Variants in AGBL4 observed in about 807,000 individuals in gnomAD.
AGBL4 encodes the protein AGBL carboxypeptidase 4.
A neutral mutation model predicts 66.4 loss-of-function variants in AGBL4; 58 were observed. That is an observed-to-expected ratio of 0.87 (90% CI 0.71 to 1.09). The LOEUF is 1.09. Among genes scored for constraint, AGBL4 ranks in the 50% least tolerant of loss-of-function variants. The pLI, the probability that AGBL4 is intolerant of heterozygous loss-of-function variation, is 0.00. For missense variants in AGBL4, 579 were observed against 631.0 expected (o/e 0.92, Z 0.88); for synonymous variants, 234 against 222.9 (o/e 1.05, Z -0.44).
At chr1:49,939,156 G>A (rs1330972293) in intron 1 of AGBL4, among the ~76,000 whole-genome samples, 2 of 151,982 alleles carry the variant, frequency 1.3e-5, no homozygotes, top group African/African-American at 4.8e-5. Context: ...GGACGTGAAG[G>A]ACCTCTTCAA....
intron 8 of AGBL4, among the ~76,000 whole-genome samples, chr1:48,637,120 G>T (rs1251738893): frequency 5.3e-5 from 8 of 152,212 alleles, no homozygotes; most frequent in African/African-American, 9.6e-5. Context: ...AGTATTAAAT[G>T]AGCTAATGCA....
At chr1:49,864,981 TG>T (rs1415248713) in intron 1 of AGBL4, among the ~76,000 whole-genome samples, 1 of 152,194 alleles carries the variant, frequency 6.6e-6, no homozygotes, top group Non-Finnish European at 1.5e-5. Flanking sequence ...ACAGCTGATG[TG>T]GCAGATCTTG....
At chr1:49,212,369 T>A (rs931695930) in intron 4 of AGBL4, among the ~76,000 whole-genome samples, 5 of 152,138 alleles carry the variant, frequency 3.3e-5, no homozygotes, top group African/African-American at 1.2e-4. Context: ...AAGATTAGTT[T>A]CACAAATAAG....
chr1:49,115,149 T>C (rs1047974994), intron 4 of AGBL4, among the ~76,000 whole-genome samples: 6 of 152,212 alleles, frequency 3.9e-5, no homozygotes, highest in South Asian at 4.1e-4. Context: ...AGTTGGTTTA[T>C]AATGAAAGTT....
At chr1:49,464,255 T>C (rs1429694366) in intron 3 of AGBL4, among the ~76,000 whole-genome samples, 1 of 151,744 alleles carries the variant, frequency 6.6e-6, no homozygotes, top group Non-Finnish European at 1.5e-5. Context: ...ATATATACTC[T>C]CACTTGATTA....
At chr1:49,775,437 A>C (rs1444312951) in intron 2 of AGBL4, among the ~76,000 whole-genome samples, 1 of 152,150 alleles carries the variant, frequency 6.6e-6, no homozygotes, top group African/African-American at 2.4e-5. Context: ...ATAGTTATAT[A>C]AATGTGCAAA....
intron 3 of AGBL4, among the ~76,000 whole-genome samples, chr1:49,557,533 G>A (rs1207437062): frequency 1.3e-5 from 2 of 152,192 alleles, no homozygotes. Flanking sequence ...AGAGCAGAAA[G>A]GAAAACTGGA....
At chr1:49,176,545 A>G (rs1646834973) in intron 4 of AGBL4, among the ~76,000 whole-genome samples, 1 of 152,176 alleles carries the variant, frequency 6.6e-6, no homozygotes, top group Non-Finnish European at 1.5e-5. Context: ...GCTCTTGCTC[A>G]TACAAACGAT....
intron 1 of AGBL4, among the ~76,000 whole-genome samples, chr1:50,002,463 G>A (rs1372559783): frequency 1.4e-5 from 2 of 140,090 alleles, no homozygotes; most frequent in African/African-American, 5.5e-5. Context: ...TCCGCCTCCC[G>A]GGTTCACGCC....
intron 3 of AGBL4, among the ~76,000 whole-genome samples, chr1:49,668,219 A>G (rs1318229363): frequency 6.6e-6 from 1 of 152,192 alleles, no homozygotes; most frequent in African/African-American, 2.4e-5. Flanking sequence ...TTCGTAAGAA[A>G]TAATGTAGCT....
intron 3 of AGBL4, among the ~76,000 whole-genome samples, chr1:49,353,413 G>A (rs889785971): frequency 7.9e-5 from 12 of 152,100 alleles, no homozygotes; most frequent in African/African-American, 2.9e-4. Flanking sequence ...GAGTCCAGAA[G>A]GCAATGAATG....
At chr1:48,617,747 C>T (rs557133441) in intron 9 of AGBL4, among the ~76,000 whole-genome samples, 2 of 152,178 alleles carry the variant, frequency 1.3e-5, no homozygotes, top group African/African-American at 2.4e-5. Context: ...GCCCTTGGGC[C>T]GGCCATGACC....
At chr1:49,462,821 T>C (rs1315551017) in intron 3 of AGBL4, among the ~76,000 whole-genome samples, 2 of 151,744 alleles carry the variant, frequency 1.3e-5, no homozygotes, top group African/African-American at 4.8e-5. Context: ...GTGCTGCTTT[T>C]CATGTCAAGG....
At position 48,891,137 on chromosome 1, in the gene AGBL4, T is replaced by C. The variant is rs572769259; in HGVS notation, c.595-23907A>G. ...TACTGAGTTTGTAGAACAAGATTCATACCCATTACAGTAGCCTGCCATGAA... is the reference window on the plus strand; with the variant it reads ...TACTGAGTTTGTAGAACAAGATTCACACCCATTACAGTAGCCTGCCATGAA... On this transcript the variant is annotated intron_variant, in intron 5 of 13. Transcript: ENST00000371839. Among the ~76,000 whole-genome samples the C allele has an allele frequency of 2.0e-5, 3 of 152,322 alleles. No homozygotes were observed. In the South Asian group the frequency reaches 6.2e-4, roughly 32 times the overall value.
At chr1:49,138,263 G>A (rs1646051541) in intron 4 of AGBL4, among the ~76,000 whole-genome samples, 1 of 152,072 alleles carries the variant, frequency 6.6e-6, no homozygotes, top group Non-Finnish European at 1.5e-5. Flanking sequence ...TAAGGAGACG[G>A]TAGAGGAAAA....
At chr1:48,862,797 T>C (rs1393574046) in intron 6 of AGBL4, among the ~76,000 whole-genome samples, 1 of 152,166 alleles carries the variant, frequency 6.6e-6, no homozygotes, top group Non-Finnish European at 1.5e-5. Flanking sequence ...CTTATATAAA[T>C]GGTATTATGC....
intron 3 of AGBL4, among the ~76,000 whole-genome samples, chr1:49,543,314 C>T (rs555696818): frequency 1.3e-5 from 2 of 152,226 alleles, no homozygotes; most frequent in Non-Finnish European, 2.9e-5. Context: ...TGGCAGGGAA[C>T]CTGTGTTCTA....
At chr1:49,128,352 T>TA (rs1343346966) in intron 4 of AGBL4, among the ~76,000 whole-genome samples, 10 of 152,098 alleles carry the variant, frequency 6.6e-5, no homozygotes, top group Admixed American at 1.3e-4. Context: ...TCCCAATTGA[T>TA]AAATTTACTC....
intron 3 of AGBL4, among the ~76,000 whole-genome samples, chr1:49,600,750 G>A (rs1215941857): frequency 1.3e-5 from 2 of 152,214 alleles, no homozygotes; most frequent in African/African-American, 4.8e-5. Flanking sequence ...GCTGCTACCA[G>A]TTGTTCCTTT....
Sources: allele counts gnomAD v4.1 joint callset (sites outside exome capture counted in the v4.1 genomes callset), GRCh38; gene constraint gnomAD v4.1.1; transcripts MANE v1.5; gene names NCBI Gene and HGNC (gene_info 2026-07-23, HGNC 2026-07-21).